Variants in BCL2L1 observed in about 807,000 individuals in gnomAD.
BCL2L1 encodes bcl-2-like protein 1.
A neutral mutation model predicts 18.7 loss-of-function variants in BCL2L1; 1 was observed. That is an observed-to-expected ratio of 0.05 (90% CI 0.02 to 0.25). The LOEUF (loss-of-function observed/expected upper bound fraction) is 0.25. BCL2L1 is among the 10% of genes least tolerant of loss of function. BCL2L1 has a pLI of 1.00. For missense variants in BCL2L1, 207 were observed against 304.9 expected, an observed-to-expected ratio of 0.68 and a Z score of 2.39; for synonymous variants, 103 against 122.7, an observed-to-expected ratio of 0.84 and a Z score of 1.06.
At chr20:31,695,745 C>CT (rs201334469) in intron 2 of BCL2L1, among the ~76,000 whole-genome samples, 603 of 152,180 alleles carry the variant, frequency 4.0e-3, no homozygotes, top group Middle Eastern at 0.024. Context: ...CTGCATCTGG[C>CT]TTTTTTTTGT....
In BCL2L1 at chr20:31,705,299, C is replaced by A. The variant is rs1003981602; in HGVS notation, c.564+16356G>T. On this transcript the variant is annotated intron_variant, in intron 2 of 2. Coordinates refer to ENST00000307677, the MANE Select transcript of BCL2L1 (RefSeq NM_138578.3). The stretch of plus-strand genomic sequence containing the variant: ...ACTAAAATTACCTTAATACCTGCAC[C>A]ATATGATCTTACATACATTCTTACA... Among the ~76,000 whole-genome samples the A allele has an allele frequency of 2.6e-5, 4 of 152,236 alleles. No homozygotes were observed. In the East Asian group the frequency reaches 7.7e-4, roughly 29 times the overall value.
At chr20:31,685,184 C>T (rs942725554) in intron 2 of BCL2L1, among the ~76,000 whole-genome samples, 10 of 152,044 alleles carry the variant, frequency 6.6e-5, no homozygotes, top group Admixed American at 6.6e-4. Context: ...GGGTGGATCA[C>T]GAAGTCAGGA....
At chr20:31,685,786 G>A (rs781712381) in intron 2 of BCL2L1, among the ~76,000 whole-genome samples, 5 of 152,020 alleles carry the variant, frequency 3.3e-5, no homozygotes, top group Admixed American at 1.3e-4. Flanking sequence ...AAGCTTTCTT[G>A]GCAGACAAAA....
intron 2 of BCL2L1, among the ~76,000 whole-genome samples, chr20:31,670,869 C>T (rs2060658027): frequency 6.6e-6 from 1 of 152,180 alleles, no homozygotes; most frequent in South Asian, 2.1e-4. Context: ...CAGCAGGCGG[C>T]TGCTCTGGAT....
intron 1 of BCL2L1, 64 bp from the exon 2 acceptor site, chr20:31,722,412 G>A: frequency 4.5e-6 from 2 of 441,132 alleles, no homozygotes; most frequent in Non-Finnish European, 7.8e-6. Context: ...TCCCCCTCCA[G>A]GTACCAGAAC....
intron 2 of BCL2L1, among the ~76,000 whole-genome samples, chr20:31,697,892 G>GTTTTTTTTTTTTTTGTTTGTTTTTTT (rs199575410): frequency 1.5e-5 from 2 of 129,636 alleles, no homozygotes; most frequent in African/African-American, 6.6e-5. Flanking sequence ...TGCTGTTGCT[G>GTTTTTTTTTTTTTTGTTTGTTTTTTT]TTTTTTTTTT....
Position 31,695,708 on chromosome 20 carries a change from A to G in BCL2L1, c.564+25947T>C, listed in dbSNP as rs558210502. 3.9e-5 allele frequency among the ~76,000 whole-genome samples: 6 copies of G among 152,222 alleles called. No individual in the cohort carries two copies. The South Asian group carries it at 1.2e-3, about 32-fold the overall frequency. Reference sequence around the variant, plus strand: ...GTGATCCTCCTGCCTTGGCCTCCCAAAGTGTTGGGATTATAGGCGTGAGCC... The same window carrying G: ...GTGATCCTCCTGCCTTGGCCTCCCAGAGTGTTGGGATTATAGGCGTGAGCC... On this transcript the variant is annotated intron_variant, in intron 2 of 2. Coordinates refer to ENST00000307677, the MANE Select transcript of BCL2L1 (RefSeq NM_138578.3).
At position 31,713,382 on chromosome 20, in the gene BCL2L1, A is replaced by C. The variant is rs565534026; in HGVS notation, c.564+8273T>G. ...AAGAGGAAAGGCAGGGACACGTCCA[A>C]AAAAAGTAGTTTTTGGGGGGCGGAC... On this transcript the variant is annotated intron_variant, in intron 2 of 2. Transcript: ENST00000307677. 2.8e-5 allele frequency: 28 copies of C among 985,404 alleles called. No homozygotes were observed. In the African/African-American group the frequency reaches 4.9e-4, roughly 17 times the overall value. The allele number at this position is 985,404 out of a possible 1,614,324, so 61.0% of individuals were successfully genotyped here.
chr20:31,678,620 T>C (rs2060802164), intron 2 of BCL2L1, among the ~76,000 whole-genome samples: 1 of 152,114 alleles, frequency 6.6e-6, no homozygotes, highest in Admixed American at 6.6e-5. Flanking sequence ...CTTCTCCACC[T>C]CAAAGCCCGC....
chr20:31,703,095 A>C (rs1318526564), intron 2 of BCL2L1, among the ~76,000 whole-genome samples: 1 of 150,710 alleles, frequency 6.6e-6, no homozygotes, highest in East Asian at 2.0e-4. Flanking sequence ...CCCAGGCTGG[A>C]GTGCAATGGT....
At position 31,722,163 on chromosome 20, in the gene BCL2L1, T is replaced by G; in HGVS notation, c.56A>C (p.Gln19Pro). Residue 19 changes from glutamine to proline, a missense_variant, in exon 2 of 3, where the codon CAG becomes CCG. Physicochemically the swap from Gln to Pro is moderately conservative, Grantham distance 76 (BLOSUM62 -1). Coordinates refer to ENST00000307677, the MANE Select transcript of BCL2L1 (RefSeq NM_138578.3). ...AAACTGACTCCAGCTGTATCCTTTC[T>G]GGGAAAGCTTGTAGGAGAGAAAGTC... Reference protein sequence around the residue: ...VVDFLSYKLSQKGYSWSQFSD... With the variant: ...VVDFLSYKLSPKGYSWSQFSD... 1 of 1,504,144 alleles carries G rather than the reference T, an allele frequency of 6.6e-7. No individual in the cohort carries two copies. 93.2% of individuals were successfully genotyped at this position (1,504,144 alleles called of 1,614,324 possible).
chr20:31,712,563 G>GA (rs1413966589), intron 2 of BCL2L1, among the ~76,000 whole-genome samples: 6 of 152,192 alleles, frequency 3.9e-5, no homozygotes, highest in Non-Finnish European at 1.5e-5. Context: ...GGTGTCCCAT[G>GA]AAATAATTAC....
chr20:31,721,000 C>A, intron 2 of BCL2L1: 1 of 984,842 alleles, frequency 1.0e-6, no homozygotes, highest in South Asian at 4.7e-5. Context: ...TGCAGAAAGT[C>A]GCACACTTTG....
intron 2 of BCL2L1, among the ~76,000 whole-genome samples, chr20:31,711,208 A>G (rs1169089175): frequency 6.6e-6 from 1 of 152,104 alleles, no homozygotes; most frequent in Non-Finnish European, 1.5e-5. Context: ...ACACACTTAC[A>G]TTTCACTTTC....
chr20:31,703,465 C>T (rs1465062803), intron 2 of BCL2L1, among the ~76,000 whole-genome samples: 1 of 150,784 alleles, frequency 6.6e-6, no homozygotes, highest in East Asian at 2.0e-4. Flanking sequence ...AGGTGTGAGC[C>T]ACCATGCCTG....
At chr20:31,698,275 C>T (rs1483347308) in intron 2 of BCL2L1, among the ~76,000 whole-genome samples, 1 of 152,172 alleles carries the variant, frequency 6.6e-6, no homozygotes, top group Non-Finnish European at 1.5e-5. Flanking sequence ...GGATTTTGCT[C>T]TGTCGCCCAG....
chr20:31,712,040 G>C (rs985902107), intron 2 of BCL2L1, among the ~76,000 whole-genome samples: 2 of 152,146 alleles, frequency 1.3e-5, no homozygotes, highest in Non-Finnish European at 2.9e-5. Flanking sequence ...AGATAAAAAG[G>C]ACAGGCTTCA....
chr20:31,710,596 G>C (rs1423568607), intron 2 of BCL2L1, among the ~76,000 whole-genome samples: 1 of 152,170 alleles, frequency 6.6e-6, no homozygotes, highest in Non-Finnish European at 1.5e-5. Flanking sequence ...TGATGATACA[G>C]GCTGAGGGTG....
At chr20:31,677,253 C>T (rs1175983439) in intron 2 of BCL2L1, among the ~76,000 whole-genome samples, 1 of 149,538 alleles carries the variant, frequency 6.7e-6, no homozygotes, top group Non-Finnish European at 1.5e-5. Flanking sequence ...ACAATCTTGG[C>T]TCACTGCAAC....
Sources: allele counts gnomAD v4.1 joint callset (sites outside exome capture counted in the v4.1 genomes callset), GRCh38; gene constraint gnomAD v4.1.1; transcripts MANE v1.5; gene names NCBI Gene and HGNC (gene_info 2026-07-23, HGNC 2026-07-21).